MYO9A: variants seen among roughly 807,000 people sequenced by gnomAD.
The protein encoded by MYO9A is myosin IXA.
A neutral mutation model predicts 293.3 loss-of-function variants in MYO9A; 103 were observed. The observed-to-expected ratio is 0.35, with a 90% CI of 0.30 to 0.41. The LOEUF is 0.41. Ranked by LOEUF, MYO9A falls within the 10% of genes least tolerant of loss-of-function variation. The pLI, the probability that MYO9A is intolerant of heterozygous loss-of-function variation, is 1.00. For missense variants in MYO9A, 2,685 were observed against 3,033.0 expected (o/e 0.89, Z 2.69); for synonymous variants, 1,001 against 1,035.7 (o/e 0.97, Z 0.64).
At chr15:71,828,316 G>C (rs772569251) in intron 40 of MYO9A, among the ~76,000 whole-genome samples, 5 of 152,182 alleles carry the variant, frequency 3.3e-5, no homozygotes, top group African/African-American at 7.2e-5. Flanking sequence ...ACTCTGGACT[G>C]ATAAGCAGGA....
chr15:71,827,103 A>G, intron 41 of MYO9A, 60 bp from the exon 42 acceptor site: 1 of 1,265,476 alleles, frequency 7.9e-7, no homozygotes, highest in South Asian at 1.5e-5. Context: ...AAATCATCAT[A>G]TAATGAATAG....
intron 1 of MYO9A, among the ~76,000 whole-genome samples, chr15:72,112,835 C>A (rs1164350181): frequency 6.6e-6 from 1 of 152,148 alleles, no homozygotes; most frequent in Non-Finnish European, 1.5e-5. Flanking sequence ...TATTCTATAT[C>A]TTGATGTAGA....
At position 71,879,691 on chromosome 15, in the gene MYO9A, C is replaced by T. The variant is rs771127303; in HGVS notation, c.5739+30G>A. ...ATCAAATTTTTCATATGTTGAACTA[C>T]TAAATATCTCCTAACATAGTCCAAC... is the stretch of plus-strand genomic sequence containing the variant. On this transcript the variant is annotated intron_variant, in intron 30 of 41. Transcript: ENST00000356056. 1.3e-5 allele frequency: 19 copies of T among 1,497,774 alleles called. No homozygotes were observed. In the Admixed American group the frequency reaches 2.0e-4, roughly 16 times the overall value. The allele number at this position is 1,497,774 out of a possible 1,614,324, so 92.8% of individuals were successfully genotyped here. A position where few individuals can be genotyped will look rare whatever the true frequency, so the allele number is the denominator to read the frequency against.
chr15:71,982,703 T>C (rs2076306524), intron 11 of MYO9A, among the ~76,000 whole-genome samples: 1 of 152,254 alleles, frequency 6.6e-6, no homozygotes, highest in African/African-American at 2.4e-5. Flanking sequence ...TCTGTATCCT[T>C]ACCAACTTTT....
intron 18 of MYO9A, among the ~76,000 whole-genome samples, chr15:71,933,271 A>G (rs1047941437): frequency 6.6e-6 from 1 of 152,158 alleles, no homozygotes; most frequent in Non-Finnish European, 1.5e-5. Context: ...CCCTTTATAG[A>G]AAAACCTGGC....
chr15:71,897,419 C>T (rs758396912), intron 25 of MYO9A, 42 bp downstream of exon 25: 5 of 1,531,952 alleles, frequency 3.3e-6, no homozygotes, highest in Non-Finnish European at 3.5e-6. Flanking sequence ...AAAAATACTC[C>T]AAGAAGTTTC....
chr15:72,003,493 G>A (rs989779239), intron 8 of MYO9A, among the ~76,000 whole-genome samples: 4 of 151,594 alleles, frequency 2.6e-5, no homozygotes, highest in Non-Finnish European at 4.4e-5. Context: ...TCAGGAGATC[G>A]AGACCATCCT....
chr15:71,923,004 T>C (rs1185676575), intron 18 of MYO9A, among the ~76,000 whole-genome samples: 1 of 152,210 alleles, frequency 6.6e-6, no homozygotes, highest in East Asian at 1.9e-4. Flanking sequence ...CCTTGTTTAG[T>C]ATGCTGTCTG....
chr15:71,823,105 A>AAGAG lies in MYO9A; in HGVS notation c.*3471_*3474dup, dbSNP rs1157633056. 6.6e-6 allele frequency: 1 copy of AAGAG among 151,996 alleles called. No homozygotes were observed. The highest frequency in any genetic ancestry group is 1.5e-5 in the Non-Finnish European group (1 of 68,014). The allele number at this position is 151,996 out of a possible 1,614,324, so 9.4% of individuals were successfully genotyped here. On this transcript the variant is annotated 3_prime_UTR_variant, in exon 42 of 42. Coordinates refer to ENST00000356056, the MANE Select transcript of MYO9A (RefSeq NM_006901.4). ...ATCCAGCTTCCCACCAAGAAGAAAA[A>AAGAG]AGAGAGGAGGATGAGGAAAGCCATG...
At chr15:71,918,192 T>C (rs913803059) in intron 18 of MYO9A, among the ~76,000 whole-genome samples, 1 of 152,142 alleles carries the variant, frequency 6.6e-6, no homozygotes, top group African/African-American at 2.4e-5. Flanking sequence ...AGAGCCAGTA[T>C]TCATGAGGTG....
chr15:71,888,540 C>G (rs2057086020), intron 26 of MYO9A: 2 of 152,462 alleles, frequency 1.3e-5, no homozygotes, highest in Admixed American at 1.3e-4. Flanking sequence ...TATATCTAAT[C>G]AATAATTTAA....
chr15:71,920,816 G>A (rs915844613), intron 18 of MYO9A, among the ~76,000 whole-genome samples: 3 of 151,998 alleles, frequency 2.0e-5, no homozygotes, highest in African/African-American at 7.2e-5. Context: ...GCATGGTGAC[G>A]CATGCCCGTC....
chr15:72,009,535 G>C (rs2077113551), intron 7 of MYO9A, among the ~76,000 whole-genome samples: 1 of 151,098 alleles, frequency 6.6e-6, no homozygotes, highest in Non-Finnish European at 1.5e-5. Context: ...GACCAGCATA[G>C]GCAACATGGC....
chr15:71,872,441 ATTACT>A (rs1187808354), intron 32 of MYO9A, among the ~76,000 whole-genome samples: 8 of 152,300 alleles, frequency 5.3e-5, no homozygotes, highest in African/African-American at 1.9e-4. Flanking sequence ...TTCATTAAAA[ATTACT>A]TTATTCTGTA....
chr15:71,876,480 G>A (rs1273766740), intron 31 of MYO9A, among the ~76,000 whole-genome samples: 1 of 130,900 alleles, frequency 7.6e-6, no homozygotes, highest in African/African-American at 3.0e-5. Context: ...CTGTTGCCCA[G>A]GCTGGAGGGC....
In MYO9A at chr15:71,891,981, T is replaced by C. The variant is rs183622146; in HGVS notation, c.5142+1698A>G. 5.3e-5 allele frequency: 8 copies of C among 152,314 alleles called. No homozygotes were observed. The South Asian group carries it at 1.7e-3, about 32-fold the overall frequency. The allele number at this position is 152,314 out of a possible 1,614,324, so 9.4% of individuals were successfully genotyped here. On this transcript the variant is annotated intron_variant, in intron 26 of 41. Transcript: ENST00000356056. ...GATAATTGACAGACACTAAAGAATA[T>C]TAGAGAGCTCAGTTACAGATATGTA...
chr15:72,069,281 T>C (rs1183832140), intron 1 of MYO9A, among the ~76,000 whole-genome samples: 1 of 152,212 alleles, frequency 6.6e-6, no homozygotes, highest in Non-Finnish European at 1.5e-5. Flanking sequence ...TTTGTAGTAG[T>C]GACTCTTGAG....
At position 71,991,239 on chromosome 15, in the gene MYO9A, T is replaced by C; in HGVS notation, c.1588-2A>G. 1 of 1,576,072 alleles carries C rather than the reference T, an allele frequency of 6.3e-7. No individual in the cohort carries two copies. The highest frequency in any genetic ancestry group is 8.6e-7 in the Non-Finnish European group (1 of 1,163,346). On this transcript the variant is annotated splice_acceptor_variant, in intron 10 of 41. Coordinates refer to ENST00000356056, the MANE Select transcript of MYO9A (RefSeq NM_006901.4). LOFTEE classifies it high-confidence loss of function. ...ATCAAGAACACCAATAGACAATGTC[T>C]GTAAAACAAGAGAAAGTTTTGATTA...
intron 15 of MYO9A, among the ~76,000 whole-genome samples, chr15:71,941,131 C>T (rs1596247034): frequency 6.6e-6 from 1 of 152,194 alleles, no homozygotes; most frequent in African/African-American, 2.4e-5. Flanking sequence ...ACTCCCTGAT[C>T]CCATTTAAAA....
Sources: gnomAD v4.1 joint callset for allele counts (sites outside exome capture counted in the v4.1 genomes callset) on GRCh38, gnomAD v4.1.1 for gene constraint, MANE v1.5 for transcripts, NCBI Gene and HGNC (gene_info 2026-07-23, HGNC 2026-07-21) for gene names.